CAMK1D: variants seen among roughly 807,000 people sequenced by gnomAD.
CAMK1D encodes calcium/calmodulin-dependent protein kinase type 1D.
In CAMK1D, 9 loss-of-function variants were observed where a neutral mutation model predicts 47.7. The ratio of observed to expected loss-of-function variants is 0.19; its 90% confidence interval spans 0.11 to 0.33. The LOEUF (loss-of-function observed/expected upper bound fraction) is 0.33, where lower values mean the gene tolerates loss of function less well. Ranked by LOEUF, CAMK1D falls within the 10% of genes least tolerant of loss-of-function variation. CAMK1D has a pLI of 1.00. For synonymous variants in CAMK1D, 184 were observed against 184.9 expected (o/e 0.99, Z 0.04); for missense variants, 291 against 488.7 (o/e 0.60, Z 3.81).
chr10:12,582,426 T>C (rs191290208), intron 2 of CAMK1D, among the ~76,000 whole-genome samples: 4 of 152,326 alleles, frequency 2.6e-5, no homozygotes, highest in African/African-American at 4.8e-5. Flanking sequence ...CTGTGAATAA[T>C]GATGGTGGTA....
chr10:12,738,610 A>T (rs1835284841), intron 3 of CAMK1D, among the ~76,000 whole-genome samples: 1 of 151,674 alleles, frequency 6.6e-6, no homozygotes, highest in South Asian at 2.1e-4. Flanking sequence ...AGGCGGGCGT[A>T]TCACGAGGTC....
At chr10:12,361,484 A>T (rs1837660355) in intron 1 of CAMK1D, among the ~76,000 whole-genome samples, 1 of 137,736 alleles carries the variant, frequency 7.3e-6, no homozygotes, top group African/African-American at 2.7e-5. Flanking sequence ...TGACCTTATG[A>T]TCTGCCTGCC....
chr10:12,454,183 G>T (rs981372775), intron 1 of CAMK1D, among the ~76,000 whole-genome samples: 2 of 152,148 alleles, frequency 1.3e-5, no homozygotes, highest in Non-Finnish European at 2.9e-5. Context: ...TTGTTTTCGC[G>T]ATGGAGTCTC....
intron 2 of CAMK1D, among the ~76,000 whole-genome samples, chr10:12,648,230 G>T (rs1157482606): frequency 6.6e-6 from 1 of 152,192 alleles, no homozygotes; most frequent in African/African-American, 2.4e-5. Context: ...TCTCCCGTCT[G>T]TAAATGGAGG....
chr10:12,387,445 T>TTA (rs373637712), intron 1 of CAMK1D, among the ~76,000 whole-genome samples: 3,280 of 64,708 alleles, frequency 0.051, 107 homozygotes, highest in South Asian at 0.093. Context: ...TATATATATT[T>TTA]TATATATATA....
chr10:12,637,449 C>T (rs945411647), intron 2 of CAMK1D, among the ~76,000 whole-genome samples: 19 of 152,172 alleles, frequency 1.2e-4, no homozygotes, highest in African/African-American at 3.4e-4. Flanking sequence ...ACAGCCTCTG[C>T]GTCTTTCTTT....
At chr10:12,519,022 G>T (rs376823897) in intron 1 of CAMK1D, among the ~76,000 whole-genome samples, 1 of 114,948 alleles carries the variant, frequency 8.7e-6, no homozygotes, top group African/African-American at 3.2e-5. Flanking sequence ...CAGACGGGGT[G>T]GTGGCCGGGC....
intron 1 of CAMK1D, among the ~76,000 whole-genome samples, chr10:12,526,430 CT>C (rs949970653): frequency 6.6e-6 from 1 of 152,104 alleles, no homozygotes; most frequent in African/African-American, 2.4e-5. Context: ...TATAGGATCT[CT>C]TTTTTTCAAC....
intron 2 of CAMK1D, among the ~76,000 whole-genome samples, chr10:12,611,026 A>G (rs1838602863): frequency 6.6e-6 from 1 of 152,162 alleles, no homozygotes; most frequent in South Asian, 2.1e-4. Context: ...CCAAGTAACA[A>G]ACCCTTGAGC....
intron 3 of CAMK1D, among the ~76,000 whole-genome samples, chr10:12,745,058 A>G (rs1371836353): frequency 1.3e-5 from 2 of 152,244 alleles, no homozygotes; most frequent in Non-Finnish European, 2.9e-5. Flanking sequence ...CTCATTGAAC[A>G]GTCTCGCCAT....
intron 2 of CAMK1D, among the ~76,000 whole-genome samples, chr10:12,660,368 G>C (rs1840240261): frequency 6.6e-6 from 1 of 152,228 alleles, no homozygotes; most frequent in Admixed American, 6.5e-5. Context: ...TCACTCCACA[G>C]AAGCACGTGT....
At chr10:12,413,534 A>T (rs1416704611) in intron 1 of CAMK1D, among the ~76,000 whole-genome samples, 4 of 39,190 alleles carry the variant, frequency 1.0e-4, no homozygotes, top group African/African-American at 1.6e-4. Context: ...AATGGTGATG[A>T]TGATGAGTAT....
intron 3 of CAMK1D, among the ~76,000 whole-genome samples, chr10:12,716,862 C>CT (rs1283885387): frequency 6.6e-6 from 1 of 152,098 alleles, no homozygotes; most frequent in Admixed American, 6.5e-5. Flanking sequence ...CGCGGCCTGG[C>CT]TGTCGGGACT....
chr10:12,486,371 G>T (rs1834216278), intron 1 of CAMK1D, among the ~76,000 whole-genome samples: 1 of 152,148 alleles, frequency 6.6e-6, no homozygotes, highest in African/African-American at 2.4e-5. Context: ...TGTTAGCCAG[G>T]ATGGTCTTGA....
At chr10:12,488,425 A>G (rs766783602) in intron 1 of CAMK1D, among the ~76,000 whole-genome samples, 2 of 152,144 alleles carry the variant, frequency 1.3e-5, no homozygotes, top group Non-Finnish European at 2.9e-5. Flanking sequence ...CAGATGGCAG[A>G]GGAGATTTTC....
chr10:12,665,353 C>T (rs1384986189), intron 2 of CAMK1D, among the ~76,000 whole-genome samples: 4 of 152,196 alleles, frequency 2.6e-5, no homozygotes, highest in South Asian at 2.1e-4. Flanking sequence ...AAACTTCTTT[C>T]GCGGGGAAGA....
Position 12,751,659 on chromosome 10 carries a change from A to G in CAMK1D, c.300-9289A>G, listed in dbSNP as rs542499856. Among the ~76,000 whole-genome samples, 70 of 152,326 alleles carry G rather than the reference A, an allele frequency of 4.6e-4. No homozygotes were observed. In the Middle Eastern group the frequency reaches 0.014, roughly 30 times the overall value. The stretch of plus-strand genomic sequence containing the variant: ...AAGAGCGAATGTATTGAGGGGTCTC[A>G]TCTGGTCTAGGGGTCAGGAAAGGCA... On this transcript the variant is annotated intron_variant, in intron 3 of 10. Coordinates refer to ENST00000619168, the MANE Select transcript of CAMK1D (RefSeq NM_153498.4).
At chr10:12,435,961 G>A (rs1281336652) in intron 1 of CAMK1D, among the ~76,000 whole-genome samples, 2 of 152,218 alleles carry the variant, frequency 1.3e-5, no homozygotes, top group African/African-American at 4.8e-5. Flanking sequence ...CTTGTCTGTA[G>A]ATGAGCAGAA....
Position 12,825,691 on chromosome 10 carries a change from G to A in CAMK1D, c.1039+1G>A. Reference sequence around the variant, plus strand: ...CTCAGTTTGGCCAGCCAAAAAGACTGTGCGTATGTAGCAAAACCAGAATCC... The same window carrying A: ...CTCAGTTTGGCCAGCCAAAAAGACTATGCGTATGTAGCAAAACCAGAATCC... On this transcript the variant is annotated splice_donor_variant, in intron 10 of 10. Coordinates refer to ENST00000619168, the MANE Select transcript of CAMK1D (RefSeq NM_153498.4). LOFTEE classifies it high-confidence loss of function. 1 of 1,614,252 alleles carries A rather than the reference G, an allele frequency of 6.2e-7. No individual in the cohort carries two copies. Among genetic ancestry groups the A allele is most frequent in the Non-Finnish European group, 8.5e-7 (1 of 1,180,042 alleles).
Sources: gnomAD v4.1 joint callset for allele counts (sites outside exome capture counted in the v4.1 genomes callset) on GRCh38, gnomAD v4.1.1 for gene constraint, MANE v1.5 for transcripts, NCBI Gene and HGNC (gene_info 2026-07-23, HGNC 2026-07-21) for gene names.